The following WBP1L variants were observed in gnomAD, a reference collection of about 807,000 sequenced individuals.
The protein encoded by WBP1L is WW domain binding protein 1-like.
WBP1L carries 17 observed loss-of-function variants against 33.7 expected under a neutral mutation model. The ratio of observed to expected loss-of-function variants is 0.50; its 90% CI spans 0.34 to 0.76. The LOEUF is 0.76. WBP1L is among the 30% of genes least tolerant of loss of function. The probability of loss-of-function intolerance (pLI) is 0.01; values close to 1 mark genes in which losing one functional copy is unlikely to be tolerated. For synonymous variants in WBP1L, 173 were observed against 190.8 expected, an observed-to-expected ratio of 0.91 and a Z score of 0.77; for missense variants, 389 against 469.4, an observed-to-expected ratio of 0.83 and a Z score of 1.58.
At chr10:102,792,748 C>G (rs1843520433) in intron 1 of WBP1L, among the ~76,000 whole-genome samples, 2 of 152,064 alleles carry the variant, frequency 1.3e-5, no homozygotes, top group African/African-American at 4.8e-5. Context: ...GCATGTGCCA[C>G]CACACCTGGC....
intron 1 of WBP1L, among the ~76,000 whole-genome samples, chr10:102,759,096 C>A (rs1404156351): frequency 2.6e-5 from 4 of 152,174 alleles, no homozygotes; most frequent in African/African-American, 9.7e-5. Context: ...GGATAATATC[C>A]AGCCTTCCAC....
At chr10:102,763,611 A>G (rs2134033454) in intron 1 of WBP1L, among the ~76,000 whole-genome samples, 1 of 152,268 alleles carries the variant, frequency 6.6e-6, no homozygotes, top group African/African-American at 2.4e-5. Flanking sequence ...TCTTCACTGG[A>G]GTCCCATGGG....
chr10:102,751,593 C>A (rs1842925000), intron 1 of WBP1L, among the ~76,000 whole-genome samples: 1 of 152,138 alleles, frequency 6.6e-6, no homozygotes, highest in South Asian at 2.1e-4. Flanking sequence ...CAGGTGTGAG[C>A]CACCACACCT....
intron 1 of WBP1L, among the ~76,000 whole-genome samples, chr10:102,750,723 G>A (rs1017990577): frequency 6.6e-6 from 1 of 151,784 alleles, no homozygotes; most frequent in Non-Finnish European, 1.5e-5. Flanking sequence ...GGATGGTCTC[G>A]ATCTCCTGAC....
chr10:102,778,708 G>A (rs957998638), intron 1 of WBP1L, among the ~76,000 whole-genome samples: 1 of 152,186 alleles, frequency 6.6e-6, no homozygotes, highest in African/African-American at 2.4e-5. Flanking sequence ...GTCAGACAGT[G>A]TAACTATGTT....
chr10:102,746,041 ATC>A (rs1038045239), intron 1 of WBP1L: 1 of 595,528 alleles, frequency 1.7e-6, no homozygotes, highest in African/African-American at 2.0e-5. Context: ...AATAAATAAC[ATC>A]GGTAGAGGTT....
intron 1 of WBP1L, among the ~76,000 whole-genome samples, chr10:102,788,272 G>A (rs1268419477): frequency 6.6e-6 from 1 of 151,116 alleles, no homozygotes; most frequent in East Asian, 2.0e-4. Context: ...ACCACGCCCG[G>A]CTAATTTTTT....
intron 1 of WBP1L, among the ~76,000 whole-genome samples, chr10:102,749,481 A>T (rs377216377): frequency 3.7e-4 from 55 of 150,404 alleles, no homozygotes; most frequent in East Asian, 1.4e-3. Flanking sequence ...AATAAAAAAA[A>T]TTTTTTTTTA....
chr10:102,754,034 C>T (rs943446750), intron 1 of WBP1L, among the ~76,000 whole-genome samples: 1 of 152,204 alleles, frequency 6.6e-6, no homozygotes, highest in Admixed American at 6.5e-5. Context: ...TTCCACCTGA[C>T]AGTTTCATCA....
chr10:102,760,372 CTTTCTTTTTT>C (rs1564754998), intron 1 of WBP1L, among the ~76,000 whole-genome samples: 2 of 96,916 alleles, frequency 2.1e-5, no homozygotes, highest in African/African-American at 9.6e-5. Flanking sequence ...TTCTTTCTTT[CTTTCTTTTTT>C]TTTTTTTTTT....
intron 1 of WBP1L, among the ~76,000 whole-genome samples, chr10:102,772,716 T>G (rs1329774624): frequency 6.6e-6 from 1 of 150,726 alleles, no homozygotes; most frequent in East Asian, 1.9e-4. Context: ...ACAACAGGCA[T>G]GTGCCACCAT....
chr10:102,746,584 G>A (rs1366744428), intron 1 of WBP1L, among the ~76,000 whole-genome samples: 2 of 137,566 alleles, frequency 1.5e-5, no homozygotes, highest in East Asian at 2.1e-4. Context: ...CCGCAATTTA[G>A]TCAGTGTATT....
chr10:102,773,068 C>A (rs375239628), intron 1 of WBP1L, among the ~76,000 whole-genome samples: 46 of 152,102 alleles, frequency 3.0e-4, no homozygotes, highest in South Asian at 1.2e-3. Flanking sequence ...CATAGGAGAA[C>A]CCATTTTTTC....
chr10:102,750,747 C>T (rs2134024841), intron 1 of WBP1L, among the ~76,000 whole-genome samples: 1 of 152,074 alleles, frequency 6.6e-6, no homozygotes, highest in Non-Finnish European at 1.5e-5. Flanking sequence ...GTGATCCGCC[C>T]GCCTCAGCCT....
chr10:102,801,503 G>A (rs1036585462), intron 2 of WBP1L, among the ~76,000 whole-genome samples: 1 of 152,186 alleles, frequency 6.6e-6, no homozygotes, highest in African/African-American at 2.4e-5. Flanking sequence ...GGAAACTGGA[G>A]AGACAGAATT....
intron 1 of WBP1L, among the ~76,000 whole-genome samples, chr10:102,786,771 C>A (rs1361003554): frequency 1.3e-5 from 2 of 152,212 alleles, no homozygotes; most frequent in African/African-American, 4.8e-5. Flanking sequence ...CCCACTACTA[C>A]CCCTGGGACT....
At chr10:102,793,883 C>G (rs1564765493) in intron 1 of WBP1L, among the ~76,000 whole-genome samples, 1 of 152,116 alleles carries the variant, frequency 6.6e-6, no homozygotes, top group Admixed American at 6.5e-5. Flanking sequence ...GTCCTCCCAC[C>G]TCAGCCTCCC....
chr10:102,770,216 G>A (rs772005550), intron 1 of WBP1L, among the ~76,000 whole-genome samples: 2 of 152,178 alleles, frequency 1.3e-5, no homozygotes, highest in Non-Finnish European at 2.9e-5. Context: ...TGACACTCAT[G>A]TTGGTTTGAG....
At chr10:102,800,869 C>CT (rs1456157950) in intron 2 of WBP1L, among the ~76,000 whole-genome samples, 9 of 152,162 alleles carry the variant, frequency 5.9e-5, no homozygotes, top group Non-Finnish European at 1.2e-4. Context: ...TCCCACCTTC[C>CT]TTTGGAAAGA....
Sources: allele counts gnomAD v4.1 joint callset (sites outside exome capture counted in the v4.1 genomes callset), GRCh38; gene constraint gnomAD v4.1.1; transcripts MANE v1.5; gene names NCBI Gene and HGNC (gene_info 2026-07-23, HGNC 2026-07-21).